TTN: variants seen among roughly 807,000 people sequenced by gnomAD.
TTN encodes the protein titin.
A neutral mutation model predicts 3,223.0 loss-of-function variants in TTN; 1,525 were observed. The ratio of observed to expected loss-of-function variants is 0.47; its 90% CI spans 0.45 to 0.49. The LOEUF is 0.49. Ranked by LOEUF, TTN falls within the 20% of genes least tolerant of loss-of-function variation. The pLI is 0.00. For missense variants in TTN, 40,786 were observed against 43,424.0 expected (o/e 0.94, Z 5.40); for synonymous variants, 14,094 against 15,161.0 (o/e 0.93, Z 5.17).
In TTN at chr2:178,604,227, T is replaced by C; in HGVS notation, c.54460A>G (p.Lys18154Glu). ...VNKYGISDEC[K>E]SDKVVIQDPY... ...TCTTGAATGACTACTTTATCTGATTTGCACTCATCACTGATTCCATATTTA... is the reference window on the plus strand; with the variant it reads ...TCTTGAATGACTACTTTATCTGATTCGCACTCATCACTGATTCCATATTTA... The change falls in exon 282 of 363, where the codon AAA becomes GAA. Residue 18154 changes from lysine (K) to glutamate (E), a missense_variant. Transcript: ENST00000589042. 6.2e-7 allele frequency: 1 copy of C among 1,603,938 alleles called. No individual in the cohort carries two copies. Among genetic ancestry groups the C allele is most frequent in the Non-Finnish European group, 8.5e-7 (1 of 1,174,556 alleles).
chr2:178,612,754 G>C lies in TTN; in HGVS notation c.49948+19C>G, dbSNP rs754504176. 6.9e-6 allele frequency: 11 copies of C among 1,590,794 alleles called. No individual in the cohort carries two copies. In the Admixed American group the frequency reaches 1.3e-4, roughly 19 times the overall value. ...ATATTAGAAGAATTTATATATCCCAGACATCAAGAGTGACTTACATAGCTT... is the reference window on the plus strand; with the variant it reads ...ATATTAGAAGAATTTATATATCCCACACATCAAGAGTGACTTACATAGCTT... On this transcript the variant is annotated intron_variant, in intron 265 of 362. Coordinates refer to ENST00000589042, the MANE Select transcript of TTN (RefSeq NM_001267550.2).
intron 49 of TTN, chr2:178,737,563 G>C (rs1458434434): frequency 6.6e-6 from 1 of 152,456 alleles, no homozygotes; most frequent in Non-Finnish European, 1.5e-5. Context: ...GCCTCCCAAA[G>C]TGCTGGGATT....
intron 150 of TTN, 133 bp downstream of exon 150, chr2:178,674,906 T>C (rs2067708107): frequency 2.1e-6 from 1 of 482,662 alleles, no homozygotes. Flanking sequence ...TTCTATTAGG[T>C]TAATAATAAT....
chr2:178,602,703 G>A, intron 282 of TTN, 113 bp from the exon 283 acceptor site: 1 of 824,196 alleles, frequency 1.2e-6, no homozygotes, highest in Non-Finnish European at 1.7e-6. Flanking sequence ...TATTAAAATA[G>A]AAATGCTAAA....
chr2:178,541,761 AATT>A (rs1694636373), intron 349 of TTN, 177 bp from the exon 350 acceptor site: 1 of 375,182 alleles, frequency 2.7e-6, no homozygotes. Flanking sequence ...TAAATCATTT[AATT>A]ATTTAATTAT....
chr2:178,791,625 CT>C (rs2093499970), intron 10 of TTN, among the ~76,000 whole-genome samples: 1 of 150,908 alleles, frequency 6.6e-6, no homozygotes, highest in East Asian at 1.9e-4. Context: ...CTTTCCCTTG[CT>C]ATTTATTCGG....
chr2:178,701,086 T>C lies in TTN; in HGVS notation c.30682+34A>G, dbSNP rs773984667. 3 of 1,600,678 alleles carry C rather than the reference T, an allele frequency of 1.9e-6. No homozygotes were observed. In the East Asian group the frequency reaches 6.7e-5, roughly 36 times the overall value. On this transcript the variant is annotated intron_variant, in intron 111 of 362. Transcript: ENST00000589042. The stretch of plus-strand genomic sequence containing the variant: ...TTTTCGGGTCAGCAGAGTGAAATTC[T>C]TATTTCGACATCTAGGTAGATGAGG...
chr2:178,607,475 T>C lies in TTN; in HGVS notation c.53213A>G (p.Asp17738Gly), dbSNP rs773447539. 1 of 1,613,276 alleles carries C rather than the reference T, an allele frequency of 6.2e-7. No individual in the cohort carries two copies. Among genetic ancestry groups the C allele is most frequent in the Non-Finnish European group, 8.5e-7 (1 of 1,179,424 alleles). ...ELIIKDALRK[D>G]HGRYVITATN... ...AGCTGTAATCACATATCTGCCATGGTCTTTTCGCAGTGCATCCTTGATAAT... is the reference window on the plus strand; with the variant it reads ...AGCTGTAATCACATATCTGCCATGGCCTTTTCGCAGTGCATCCTTGATAAT... Residue 17738 changes from aspartate to glycine, a missense_variant, in exon 277 of 363, where the codon GAC (aspartate) becomes GGC (glycine). Coordinates refer to ENST00000589042, the MANE Select transcript of TTN (RefSeq NM_001267550.2).
intron 33 of TTN, among the ~76,000 whole-genome samples, chr2:178,771,744 C>A (rs1191329997): frequency 6.6e-6 from 1 of 152,124 alleles, no homozygotes; most frequent in African/African-American, 2.4e-5. Flanking sequence ...GAACAGTATA[C>A]CACCAGGATA....
chr2:178,784,241 C>T lies in TTN; in HGVS notation c.2604G>A (p.Glu868=), dbSNP rs1459799128. ...GTGTGGGCTCTGCCCTTACTCTAGT[C>T]TCACTGGGCTTCACAGTAGGAGCCT... is the stretch of plus-strand genomic sequence containing the variant. ...SVKAPTVKPS[E]TRVRAEPTPL... Residue 868 remains glutamate (E), a synonymous_variant, in exon 16 of 363, where the codon GAG becomes GAA. Coordinates refer to ENST00000589042, the MANE Select transcript of TTN (RefSeq NM_001267550.2). 6 of 1,614,160 alleles carry T rather than the reference C, an allele frequency of 3.7e-6. No individual in the cohort carries two copies. The South Asian group carries it at 5.5e-5, about 15-fold the overall frequency.
rs1226199027 is a variant in TTN at position 178,681,071 on chromosome 2, C to G, written c.33340+8G>C. On this transcript the variant is annotated splice_region_variant and intron_variant, in intron 138 of 362. Transcript: ENST00000589042. ...AAAGATCACAATCGAGGAAGGAAAT[C>G]ATTATACCTTTAGCAGCGGGTTCAG... The G allele has an allele frequency of 3.1e-6, 5 of 1,593,258 alleles. No homozygotes were observed. The Admixed American group carries it at 9.0e-5, about 29-fold the overall frequency.
Position 178,647,048 on chromosome 2 carries a change from A to G in TTN, c.40222+16T>C, listed in dbSNP as rs2062117326. ...CAGGAGATTAAAAAAATGTATATAT[A>G]TATATATATATATACCTTCAACAGG... On this transcript the variant is annotated intron_variant, in intron 215 of 362. Transcript: ENST00000589042. 2 of 883,500 alleles carry G rather than the reference A, an allele frequency of 2.3e-6. No individual in the cohort carries two copies. The highest frequency in any genetic ancestry group is 3.0e-6 in the Non-Finnish European group (2 of 658,674). 54.7% of individuals were successfully genotyped at this position (883,500 alleles called of 1,614,324 possible). A position where few individuals can be genotyped will look rare whatever the true frequency, so the allele number is the denominator to read the frequency against.
rs1043582121 is a variant in TTN, at chr2:178,550,209, G to A, written c.91629C>T (p.Ser30543=). ...FDGLIIKSGE[S]LRIKALVQGR... The stretch of plus-strand genomic sequence containing the variant: ...CTTGTACCAAAGCTTTAATTCTAAG[G>A]CTCTCTCCGGACTTAATAATGAGAC... Residue 30543 remains serine (S), a synonymous_variant, in exon 337 of 363, where the codon AGC becomes AGT. Transcript: ENST00000589042. The A allele has an allele frequency of 6.2e-7, 1 of 1,613,542 alleles. No homozygotes were observed.
intron 13 of TTN, among the ~76,000 whole-genome samples, chr2:178,787,166 T>G (rs2093240750): frequency 6.6e-6 from 1 of 152,196 alleles, no homozygotes; most frequent in Admixed American, 6.5e-5. Context: ...ATCAGAAACA[T>G]TCTTCAACTA....
intron 81 of TTN, 75 bp from the exon 82 acceptor site, chr2:178,719,907 A>G (rs1577984516): frequency 1.9e-6 from 3 of 1,544,290 alleles, no homozygotes; most frequent in Admixed American, 4.0e-5. Context: ...GAATTACTGG[A>G]TAAGAGGAAT....
rs372312805 is a variant in TTN at position 178,531,672 on chromosome 2, T to C, written c.104943A>G (p.Glu34981=). Residue 34981 remains glutamate (E), a synonymous_variant, in exon 358 of 363, where the codon GAA becomes GAG. Coordinates refer to ENST00000589042, the MANE Select transcript of TTN (RefSeq NM_001267550.2). Reference sequence around the variant, plus strand: ...AATGAATCTTACTGCTTTCTTGGAGTTCCACACCATTGTGGTACCATTTAA... The same window carrying C: ...AATGAATCTTACTGCTTTCTTGGAGCTCCACACCATTGTGGTACCATTTAA... ...AEVKWYHNGV[E]LQESSKIHYT... 1.2e-4 allele frequency: 194 copies of C among 1,613,934 alleles called. 3 individuals carry two copies. The Middle Eastern group carries it at 4.5e-3, about 37-fold the overall frequency.
chr2:178,742,009 CCTT>C lies in TTN; in HGVS notation c.11312-91_11312-89del, dbSNP rs1334165696. ...CAAAGAATTAGACACCAGTTGATGG[CCTT>C]CTTCTGCTTTATTCCTGGAATGATT... On this transcript the variant is annotated intron_variant, in intron 47 of 362. Coordinates refer to ENST00000589042, the MANE Select transcript of TTN (RefSeq NM_001267550.2). 1.5e-5 allele frequency: 15 copies of C among 970,948 alleles called. No individual in the cohort carries two copies. The Admixed American group carries it at 3.7e-4, about 24-fold the overall frequency. 60.1% of individuals were successfully genotyped at this position (970,948 alleles called of 1,614,324 possible).
At chr2:178,723,766 A>C in intron 73 of TTN, 70 bp from the exon 74 acceptor site, 1 of 1,532,980 alleles carries the variant, frequency 6.5e-7, no homozygotes, top group Non-Finnish European at 8.7e-7. Flanking sequence ...TGAATAAAAC[A>C]TTAGAGCACT....
rs199532781 is a variant in TTN at position 178,543,090 on chromosome 2, C to T, written c.96883G>A (p.Val32295Met). Residue 32295 changes from valine (V) to methionine (M), a missense_variant, in exon 347 of 363, where the codon GTG becomes ATG. Transcript: ENST00000589042. ...VSEPRETVTA[V>M]TVQDLRVLPT... ...ATACCTCTGAGGTCTTGTACAGTCA[C>T]GGCTGTGACAGTCTCTCTTGGTTCT... 112 of 1,596,534 alleles carry T rather than the reference C, an allele frequency of 7.0e-5. No individual in the cohort carries two copies. The highest frequency in any genetic ancestry group is 2.6e-4 in the South Asian group (23 of 89,612).
Sources: gnomAD v4.1 joint callset for allele counts (sites outside exome capture counted in the v4.1 genomes callset) on GRCh38, gnomAD v4.1.1 for gene constraint, MANE v1.5 for transcripts, NCBI Gene and HGNC (gene_info 2026-07-23, HGNC 2026-07-21) for gene names.